TRIM21: variants seen among roughly 807,000 people sequenced by gnomAD.
The protein encoded by TRIM21 is tripartite motif containing 21, also known as E3 ubiquitin-protein ligase TRIM21.
In TRIM21, 35 loss-of-function variants were observed where a neutral mutation model predicts 36.1. That is an observed-to-expected ratio of 0.97 (90% CI 0.74 to 1.28). The LOEUF (loss-of-function observed/expected upper bound fraction) is 1.28, where lower values mean the gene tolerates loss of function less well. Among genes scored for constraint, TRIM21 ranks in the 50% most tolerant of loss-of-function variants. The probability of loss-of-function intolerance (pLI) is 0.00; values close to 1 mark genes in which losing one functional copy is unlikely to be tolerated. For missense variants in TRIM21, 635 were observed against 570.7 expected (o/e 1.11, Z -1.15); for synonymous variants, 256 against 211.5 (o/e 1.21, Z -1.83).
rs1390098662 is a variant in TRIM21 at position 4,385,615 on chromosome 11, C to T, written c.1098G>A (p.Lys366=). 6.2e-7 allele frequency: 1 copy of T among 1,612,730 alleles called. No homozygotes were observed. The highest frequency in any genetic ancestry group is 1.3e-5 in the African/African-American group (1 of 74,910). ...LGVCRDSVRR[K]GHFLLSSKSG... ...TCTTGGAACTAAGCAAAAAGTGCCC[C>T]TTCCTGCGCACAGAGTCTCTGCAGA... Residue 366 remains lysine (K), a synonymous_variant, in exon 7 of 7, where the codon AAG becomes AAA. Coordinates refer to ENST00000254436, the MANE Select transcript of TRIM21 (RefSeq NM_003141.4).
Position 4,385,565 on chromosome 11 carries a change from C to T in TRIM21, c.1148G>A (p.Trp383Ter), listed in dbSNP as rs2094955325. The T allele has an allele frequency of 1.9e-6, 3 of 1,612,518 alleles. No individual in the cohort carries two copies. The highest frequency in any genetic ancestry group is 2.2e-5 in the South Asian group (2 of 90,718). Residue 383 changes from tryptophan (W) to a stop codon, truncating the protein, a stop_gained, in exon 7 of 7, where the codon TGG (tryptophan) becomes TAG (stop). Transcript: ENST00000254436. LOFTEE classifies it low-confidence loss of function (END_TRUNC). ...GCCAGCCTCATATTTTTGTTTGTTC[C>T]ACAACCAAATTGTCCAGAAGCCACT... is the stretch of plus-strand genomic sequence containing the variant. ...SKSGFWTIWL[W>*]NKQKYEAGTY... is the part of the protein sequence containing the mutation.
Position 4,385,466 on chromosome 11 carries a change from C to G in TRIM21, c.1247G>C (p.Gly416Ala), listed in dbSNP as rs767378115. 6.2e-7 allele frequency: 1 copy of G among 1,612,100 alleles called. No individual in the cohort carries two copies. Among genetic ancestry groups the G allele is most frequent in the Non-Finnish European group, 8.5e-7 (1 of 1,179,058 alleles). Residue 416 changes from glycine (G) to alanine (A), a missense_variant, in exon 7 of 7, where the codon GGC (glycine) becomes GCC (alanine). Transcript: ENST00000254436. The stretch of plus-strand genomic sequence containing the variant: ...AGTGATGTTGTAGAAGGAGACCATG[C>G]CAGCCTCATAGTCCAGGAAAATCCC... ...QVGIFLDYEA[G>A]MVSFYNITDH...
Position 4,386,191 on chromosome 11 carries a change from C to G in TRIM21, c.825G>C (p.Val275=). The change falls in exon 6 of 7, where the codon GTG becomes GTC. Residue 275 remains valine, a synonymous_variant. Transcript: ENST00000254436. ...TSPELRSVCH[V]PGLKKMLRTC... Reference sequence around the variant, plus strand: ...TCCTCAGCATCTTCTTCAGCCCTGGCACATGGCACACACTCCTGAGTTCTG... The same window carrying G: ...TCCTCAGCATCTTCTTCAGCCCTGGGACATGGCACACACTCCTGAGTTCTG... 1 of 1,613,712 alleles carries G rather than the reference C, an allele frequency of 6.2e-7. No homozygotes were observed. Among genetic ancestry groups the G allele is most frequent in the Non-Finnish European group, 8.5e-7 (1 of 1,179,874 alleles).
chr11:4,389,775 C>T, intron 2 of TRIM21, 26 bp from the exon 3 acceptor site: 1 of 1,604,526 alleles, frequency 6.2e-7, no homozygotes, highest in Non-Finnish European at 8.5e-7. Context: ...GCTTATTCGT[C>T]CCCCATGCAA....
chr11:4,392,681 C>G (rs1590839007), intron 1 of TRIM21, among the ~76,000 whole-genome samples: 2 of 152,324 alleles, frequency 1.3e-5, no homozygotes, highest in South Asian at 4.1e-4. Context: ...TATTCCTGTT[C>G]TGAATAACAA....
intron 1 of TRIM21, among the ~76,000 whole-genome samples, chr11:4,390,709 A>G (rs972446008): frequency 1.3e-5 from 2 of 152,204 alleles, no homozygotes; most frequent in Admixed American, 1.3e-4. Context: ...CCCAAACAGC[A>G]TGGTACTGGC....
chr11:4,391,501 A>G (rs766550725), intron 1 of TRIM21, among the ~76,000 whole-genome samples: 35 of 152,218 alleles, frequency 2.3e-4, no homozygotes, highest in Non-Finnish European at 3.8e-4. Context: ...TACAATCACT[A>G]CAGAGAACAG....
At chr11:4,391,637 C>T (rs1056349321) in intron 1 of TRIM21, among the ~76,000 whole-genome samples, 2 of 152,184 alleles carry the variant, frequency 1.3e-5, no homozygotes, top group South Asian at 2.1e-4. Flanking sequence ...ATGTTTACTG[C>T]AGCACGTTTC....
At chr11:4,386,417 G>A in intron 5 of TRIM21, 160 bp from the exon 6 acceptor site, 4 of 697,558 alleles carry the variant, frequency 5.7e-6, no homozygotes, top group South Asian at 4.7e-5. Context: ...GGCAAACAAT[G>A]CAGGATTTAG....
At chr11:4,389,567 C>T in intron 3 of TRIM21, 87 bp downstream of exon 3, 2 of 1,138,330 alleles carry the variant, frequency 1.8e-6, no homozygotes, top group South Asian at 2.5e-5. Flanking sequence ...CTCAGAGAGG[C>T]ACAGCTACGG....
chr11:4,392,817 A>G (rs1037858460), intron 1 of TRIM21, among the ~76,000 whole-genome samples: 8 of 152,280 alleles, frequency 5.3e-5, no homozygotes, highest in African/African-American at 1.7e-4. Flanking sequence ...CATCATGTCC[A>G]TTCCTGCTTA....
Position 4,389,711 on chromosome 11 carries a change from C to A in TRIM21, c.447G>T (p.Lys149Asn). The stretch of plus-strand genomic sequence containing the variant: ...CTTCCAACTTCTCAGCCAACTCCTG[C>A]TTTCTTCTCAGTTCCCCTAATGCCA... ...LQVALGELRR[K>N]QELAEKLEVE... Residue 149 changes from lysine to asparagine, a missense_variant, in exon 3 of 7, where the codon AAG becomes AAT. Physicochemically the swap from Lys to Asn is moderately conservative, Grantham distance 94 (BLOSUM62 0). Transcript: ENST00000254436. The A allele has an allele frequency of 6.2e-7, 1 of 1,614,000 alleles. No homozygotes were observed. Among genetic ancestry groups the A allele is most frequent in the Non-Finnish European group, 8.5e-7 (1 of 1,179,892 alleles).
Position 4,388,434 on chromosome 11 carries a change from C to G in TRIM21, c.601G>C (p.Glu201Gln). The change falls in exon 4 of 7, where the codon GAG becomes CAG. Residue 201 changes from glutamate (E) to glutamine (Q), a missense_variant. Coordinates refer to ENST00000254436, the MANE Select transcript of TRIM21 (RefSeq NM_003141.4). ...CTCAGCTGCTCCCTCTCATCCTTCT[C>G]CAGCTCCTGCAGCTGCCTCTGTTCT... Reference protein sequence around the residue: ...EEEQRQLQELEKDEREQLRIL... With the variant: ...EEEQRQLQELQKDEREQLRIL... 1 of 1,613,928 alleles carries G rather than the reference C, an allele frequency of 6.2e-7. No individual in the cohort carries two copies. The highest frequency in any genetic ancestry group is 8.5e-7 in the Non-Finnish European group (1 of 1,179,888).
chr11:4,385,852 G>T lies in TRIM21; in HGVS notation c.861C>A (p.Val287=). 1 of 1,605,014 alleles carries T rather than the reference G, an allele frequency of 6.2e-7. No individual in the cohort carries two copies. Among genetic ancestry groups the T allele is most frequent in the South Asian group, 1.1e-5 (1 of 89,244 alleles). Residue 287 remains valine, a splice_region_variant and synonymous_variant, in exon 7 of 7, where the codon GTC becomes GTA. Coordinates refer to ENST00000254436, the MANE Select transcript of TRIM21 (RefSeq NM_003141.4). ...CTGTGTCTGGATCCAGAGTGATGTGGACTGCAGAGAGAGGACCACAGTCAG... is the reference window on the plus strand; with the variant it reads ...CTGTGTCTGGATCCAGAGTGATGTGTACTGCAGAGAGAGGACCACAGTCAG... ...GLKKMLRTCA[V]HITLDPDTAN... is the part of the protein sequence containing the mutation.
chr11:4,385,929 G>T, intron 6 of TRIM21, 76 bp from the exon 7 acceptor site: 1 of 1,403,944 alleles, frequency 7.1e-7, no homozygotes, highest in Non-Finnish European at 9.6e-7. Flanking sequence ...GGGGGATTTT[G>T]TGTAAACTCC....
At chr11:4,388,788 T>C (rs2094959476) in intron 3 of TRIM21, among the ~76,000 whole-genome samples, 1 of 152,132 alleles carries the variant, frequency 6.6e-6, no homozygotes, top group Admixed American at 6.5e-5. Context: ...CAACGACAGC[T>C]ACACGAATAT....
At chr11:4,391,696 T>C (rs1564810973) in intron 1 of TRIM21, among the ~76,000 whole-genome samples, 1 of 152,160 alleles carries the variant, frequency 6.6e-6, no homozygotes, top group Non-Finnish European at 1.5e-5. Context: ...AACAGATATA[T>C]GGATAAAGAA....
At chr11:4,389,527 G>A in intron 3 of TRIM21, 127 bp downstream of exon 3, 3 of 798,690 alleles carry the variant, frequency 3.8e-6, no homozygotes, top group Non-Finnish European at 6.5e-6. Flanking sequence ...GCTGGCTTCT[G>A]GAGAGTGAGA....
At position 4,388,498 on chromosome 11, in the gene TRIM21, G is replaced by T. The variant is rs756408935; in HGVS notation, c.537C>A (p.His179Gln). ...KTVETQKSRI[H>Q]AEFVQQKNFL... The stretch of plus-strand genomic sequence containing the variant: ...AGTTTTTTTGCTGCACAAACTCTGC[G>T]TGAATCCTAGATTTCTGTGTTTCCA... Residue 179 changes from histidine to glutamine, a missense_variant, in exon 4 of 7, where the codon CAC becomes CAA. Coordinates refer to ENST00000254436, the MANE Select transcript of TRIM21 (RefSeq NM_003141.4). 3.1e-6 allele frequency: 5 copies of T among 1,611,340 alleles called. No homozygotes were observed. The highest frequency in any genetic ancestry group is 4.2e-6 in the Non-Finnish European group (5 of 1,179,874).
Sources: allele counts gnomAD v4.1 joint callset (sites outside exome capture counted in the v4.1 genomes callset), GRCh38; gene constraint gnomAD v4.1.1; transcripts MANE v1.5; gene names NCBI Gene and HGNC (gene_info 2026-07-23, HGNC 2026-07-21).